Variants in TTC7A observed in about 807,000 individuals in gnomAD.
TTC7A encodes tetratricopeptide repeat protein 7A.
In TTC7A, 110 loss-of-function variants were observed where a neutral mutation model predicts 103.7. That is an observed-to-expected ratio of 1.06 (90% CI 0.91 to 1.24). The LOEUF (loss-of-function observed/expected upper bound fraction) is 1.24, where lower values mean the gene tolerates loss of function less well. TTC7A is among the 50% of genes most tolerant of loss of function. TTC7A has a pLI of 0.00. For missense variants in TTC7A, 1,340 were observed against 1,116.3 expected (o/e 1.20, Z -2.86); for synonymous variants, 521 against 467.9 (o/e 1.11, Z -1.47).
chr2:47,024,433 CTG>C, intron 14 of TTC7A, 74 bp downstream of exon 14: 1 of 1,349,048 alleles, frequency 7.4e-7, no homozygotes, highest in Non-Finnish European at 1.0e-6. Context: ...AGCTTACCAG[CTG>C]TGTGACCCTC....
chr2:47,039,102 G>T (rs981173254), intron 15 of TTC7A, among the ~76,000 whole-genome samples: 2 of 152,088 alleles, frequency 1.3e-5, no homozygotes, highest in Non-Finnish European at 2.9e-5. Context: ...TACCATGACT[G>T]TCCTGCCTTG....
chr2:47,002,207 G>A (rs1221143393), intron 8 of TTC7A, among the ~76,000 whole-genome samples: 3 of 152,218 alleles, frequency 2.0e-5, no homozygotes, highest in Non-Finnish European at 4.4e-5. Flanking sequence ...ACAAGCCCTA[G>A]GTTTAAATCC....
At chr2:47,021,002 G>A (rs1240691680) in intron 11 of TTC7A, among the ~76,000 whole-genome samples, 2 of 152,250 alleles carry the variant, frequency 1.3e-5, no homozygotes, top group African/African-American at 4.8e-5. Flanking sequence ...TTGATGTCTG[G>A]GTGGCACTGA....
At chr2:47,042,239 T>C (rs1224758864) in intron 15 of TTC7A, among the ~76,000 whole-genome samples, 1 of 152,214 alleles carries the variant, frequency 6.6e-6, no homozygotes, top group East Asian at 1.9e-4. Flanking sequence ...GTGTGGCTAA[T>C]GCCTGTAATC....
chr2:46,990,862 C>A (rs1294028956), intron 5 of TTC7A, among the ~76,000 whole-genome samples: 1 of 152,160 alleles, frequency 6.6e-6, no homozygotes, highest in African/African-American at 2.4e-5. Flanking sequence ...CCATCAGAAC[C>A]CCCCTGGTGA....
intron 14 of TTC7A, among the ~76,000 whole-genome samples, chr2:47,027,656 GC>G (rs1338037869): frequency 6.6e-6 from 1 of 152,198 alleles, no homozygotes; most frequent in African/African-American, 2.4e-5. Context: ...CCCTCCACTT[GC>G]CAAAACGAGC....
chr2:47,037,783 C>G (rs1470111245), intron 15 of TTC7A, among the ~76,000 whole-genome samples: 1 of 152,128 alleles, frequency 6.6e-6, no homozygotes, highest in African/African-American at 2.4e-5. Context: ...GCACAGAGGA[C>G]CTAAGTAAGC....
intron 14 of TTC7A, 149 bp from the exon 15 acceptor site, chr2:47,029,075 C>A (rs940538090): frequency 5.0e-6 from 4 of 807,728 alleles, no homozygotes; most frequent in Middle Eastern, 7.3e-4. Flanking sequence ...CCATCTGGGG[C>A]AGGTGTTTTC....
At chr2:46,949,729 A>T (rs1016924334) in intron 1 of TTC7A, among the ~76,000 whole-genome samples, 2 of 152,156 alleles carry the variant, frequency 1.3e-5, no homozygotes, top group African/African-American at 4.8e-5. Context: ...AGTCATGTCA[A>T]ATTACCTTAA....
chr2:46,932,355 A>G (rs911440057), intron 2 of TTC7A, among the ~76,000 whole-genome samples: 5 of 151,960 alleles, frequency 3.3e-5, no homozygotes, highest in African/African-American at 9.7e-5. Context: ...CACCATGTTG[A>G]CCAGGCTGGT....
chr2:46,981,018 G>A (rs1674400026), intron 5 of TTC7A, among the ~76,000 whole-genome samples: 1 of 152,224 alleles, frequency 6.6e-6, no homozygotes, highest in Admixed American at 6.5e-5. Context: ...CAACCTGGAA[G>A]CTCTCCAAGC....
rs1342926612 is a variant in TTC7A, at chr2:47,075,803, G to A, written c.*1880G>A. On this transcript the variant is annotated 3_prime_UTR_variant, in exon 20 of 20. Coordinates refer to ENST00000319190, the MANE Select transcript of TTC7A (RefSeq NM_020458.4). ...GGGCTAAAGCCTGGAGAGGGTAGGA[G>A]GAGGCAAGAGGGGTCCAGGCAGGGC... 1.3e-5 allele frequency: 2 copies of A among 152,488 alleles called. No homozygotes were observed. The highest frequency in any genetic ancestry group is 2.9e-5 in the Non-Finnish European group (2 of 68,250). 9.4% of individuals were successfully genotyped at this position (152,488 alleles called of 1,614,324 possible). A position where few individuals can be genotyped will look rare whatever the true frequency, so the allele number is the denominator to read the frequency against.
chr2:47,026,853 T>C (rs996356864), intron 14 of TTC7A, among the ~76,000 whole-genome samples: 1 of 152,232 alleles, frequency 6.6e-6, no homozygotes, highest in Non-Finnish European at 1.5e-5. Flanking sequence ...GTGAGTCCTC[T>C]TGCCCTAAGG....
Position 46,994,356 on chromosome 2 carries a change from G to T in TTC7A, c.844-1G>T, listed in dbSNP as rs777469885. Reference sequence around the variant, plus strand: ...GGTCCGAGTGCTTCCCTCTCTGCCAGATGGCGGCCAAGCACCTGGCGGGGG... The same window carrying T: ...GGTCCGAGTGCTTCCCTCTCTGCCATATGGCGGCCAAGCACCTGGCGGGGG... On this transcript the variant is annotated splice_acceptor_variant, in intron 6 of 19. Coordinates refer to ENST00000319190, the MANE Select transcript of TTC7A (RefSeq NM_020458.4). LOFTEE classifies it high-confidence loss of function. 9.3e-6 allele frequency: 15 copies of T among 1,611,654 alleles called. No homozygotes were observed. Among genetic ancestry groups the T allele is most frequent in the Non-Finnish European group, 1.3e-5 (15 of 1,178,760 alleles).
At chr2:46,942,511 C>T (rs1670523406) in intron 1 of TTC7A, among the ~76,000 whole-genome samples, 2 of 152,194 alleles carry the variant, frequency 1.3e-5, no homozygotes, top group South Asian at 4.1e-4. Flanking sequence ...ACTGCTCAGC[C>T]TGTTGAAGGC....
chr2:47,051,905 C>T, intron 18 of TTC7A, 25 bp downstream of exon 18: 1 of 1,578,350 alleles, frequency 6.3e-7, no homozygotes, highest in Non-Finnish European at 8.6e-7. Flanking sequence ...CCCAGTGACA[C>T]ACACAGCCTG....
intron 8 of TTC7A, chr2:46,999,862 C>T: frequency 1.0e-6 from 1 of 985,440 alleles, no homozygotes; most frequent in Non-Finnish European, 1.2e-6. Flanking sequence ...GGAAAGGGTA[C>T]AGAGCCCTGG....
rs186142406 is a variant in TTC7A, at chr2:47,059,213, G to C, written c.2153-1556G>C. On this transcript the variant is annotated intron_variant, in intron 18 of 19. Transcript: ENST00000319190. Reference sequence around the variant, plus strand: ...TTTTTTTGTATTTTTACTAGAGACGGGGTTTCACCATCCTGGCCAGGCTGG... The same window carrying C: ...TTTTTTTGTATTTTTACTAGAGACGCGGTTTCACCATCCTGGCCAGGCTGG... Among the ~76,000 whole-genome samples the C allele has an allele frequency of 6.8e-3, 1,037 of 151,470 alleles. 18 individuals are homozygous for C. The highest frequency in any genetic ancestry group is 0.024 in the African/African-American group (997 of 41,266).
intron 16 of TTC7A, among the ~76,000 whole-genome samples, chr2:47,048,197 C>A (rs1682520822): frequency 6.6e-6 from 1 of 152,120 alleles, no homozygotes; most frequent in Non-Finnish European, 1.5e-5. Flanking sequence ...TTCATTCAAC[C>A]CTCTCATGTG....
Sources: allele counts gnomAD v4.1 joint callset (sites outside exome capture counted in the v4.1 genomes callset), GRCh38; gene constraint gnomAD v4.1.1; transcripts MANE v1.5; gene names NCBI Gene and HGNC (gene_info 2026-07-23, HGNC 2026-07-21).